The following ABCA13 variants were observed in gnomAD, a reference collection of about 807,000 sequenced individuals.
ABCA13 encodes ATP-binding cassette sub-family A member 13.
In ABCA13, 476 loss-of-function variants were observed where a neutral mutation model predicts 478.7. The observed-to-expected ratio is 0.99, with a 90% CI of 0.92 to 1.07. The LOEUF (loss-of-function observed/expected upper bound fraction) is 1.07, where lower values mean the gene tolerates loss of function less well. ABCA13 is among the 50% of genes least tolerant of loss of function. The probability of loss-of-function intolerance (pLI) is 0.00; values close to 1 mark genes in which losing one functional copy is unlikely to be tolerated. For missense variants in ABCA13, 6,060 were observed against 5,910.6 expected (o/e 1.03, Z -0.83); for synonymous variants, 2,252 against 2,158.9 (o/e 1.04, Z -1.20).
Position 48,279,229 on chromosome 7 carries a change from G to A in ABCA13, c.8035G>A (p.Gly2679Ser). The A allele has an allele frequency of 1.3e-6, 2 of 1,589,726 alleles. No individual in the cohort carries two copies. The highest frequency in any genetic ancestry group is 1.3e-5 in the African/African-American group (1 of 74,764). The change falls in exon 18 of 62, where the codon GGT becomes AGT. Residue 2679 changes from glycine to serine, a missense_variant. By Grantham distance (56) the Gly-to-Ser change is moderately conservative (BLOSUM62 0). Coordinates refer to ENST00000435803, the MANE Select transcript of ABCA13 (RefSeq NM_152701.5). ...TGTCAACTTACGGGAAGAAATTCTGGGTTGCTTAGTTCCTATAAATAACAT... is the reference window on the plus strand; with the variant it reads ...TGTCAACTTACGGGAAGAAATTCTGAGTTGCTTAGTTCCTATAAATAACAT... ...DSVNLREEILGCLVPINNITN... is the reference protein window; with the variant it reads ...DSVNLREEILSCLVPINNITN...
intron 29 of ABCA13, among the ~76,000 whole-genome samples, chr7:48,346,897 G>A (rs1393368351): frequency 6.6e-6 from 1 of 152,184 alleles, no homozygotes; most frequent in Non-Finnish European, 1.5e-5. Flanking sequence ...GACAGCAGGG[G>A]TCAATGCCAC....
At chr7:48,364,106 T>C (rs1811308137) in intron 31 of ABCA13, among the ~76,000 whole-genome samples, 2 of 149,208 alleles carry the variant, frequency 1.3e-5, no homozygotes, top group African/African-American at 4.9e-5. Context: ...GTCCTGGTGG[T>C]GGTGAGGACC....
intron 29 of ABCA13, among the ~76,000 whole-genome samples, chr7:48,348,414 A>C (rs1275624716): frequency 6.6e-6 from 1 of 152,128 alleles, no homozygotes; most frequent in Non-Finnish European, 1.5e-5. Flanking sequence ...TGACTATAAA[A>C]CTAAATGAGA....
intron 31 of ABCA13, among the ~76,000 whole-genome samples, chr7:48,359,318 C>T (rs2129000603): frequency 1.3e-5 from 2 of 152,006 alleles, no homozygotes; most frequent in South Asian, 4.2e-4. Context: ...ATGGCTGAGT[C>T]AGGAACACTA....
At chr7:48,555,400 GA>G in intron 55 of ABCA13, among the ~76,000 whole-genome samples, 1 of 151,938 alleles carries the variant, frequency 6.6e-6, no homozygotes, top group South Asian at 2.1e-4. Flanking sequence ...GTTTGAGTAG[GA>G]TTGGTATTAA....
intron 55 of ABCA13, among the ~76,000 whole-genome samples, chr7:48,537,542 C>G (rs1833668650): frequency 6.6e-6 from 1 of 152,164 alleles, no homozygotes; most frequent in South Asian, 2.1e-4. Context: ...CAGGTAGCCC[C>G]TACTGCTGTG....
Position 48,597,590 on chromosome 7 carries a change from T to C in ABCA13, c.14744+2777T>C, listed in dbSNP as rs75892347. Among the ~76,000 whole-genome samples, 8 of 152,344 alleles carry C rather than the reference T, an allele frequency of 5.3e-5. No individual in the cohort carries two copies. In the East Asian group the frequency reaches 1.5e-3, roughly 29 times the overall value. ...ATGTTCCCAGCAACAATGATGAGTC[T>C]CCTTTATTCCACATCCTTGTCACTA... On this transcript the variant is annotated intron_variant, in intron 58 of 61. Coordinates refer to ENST00000435803, the MANE Select transcript of ABCA13 (RefSeq NM_152701.5).
At chr7:48,590,848 T>G (rs1789656883) in intron 57 of ABCA13, among the ~76,000 whole-genome samples, 1 of 152,122 alleles carries the variant, frequency 6.6e-6, no homozygotes, top group Admixed American at 6.5e-5. Flanking sequence ...CTATTTAGTT[T>G]TACGACTTTC....
chr7:48,291,959 C>T (rs1798601847), intron 20 of ABCA13, among the ~76,000 whole-genome samples: 1 of 152,188 alleles, frequency 6.6e-6, no homozygotes, highest in African/African-American at 2.4e-5. Flanking sequence ...CCACACCTGG[C>T]TCCTCTATGT....
At chr7:48,277,377 C>T (rs1221860031) in intron 17 of ABCA13, among the ~76,000 whole-genome samples, 8 of 152,224 alleles carry the variant, frequency 5.3e-5, no homozygotes, top group Admixed American at 5.2e-4. Flanking sequence ...CTCTAAGTTA[C>T]AGAGGTTCTA....
In ABCA13 at chr7:48,481,174, T is replaced by C; in HGVS notation, c.13094+20T>C. Reference sequence around the variant, plus strand: ...ACCAAGGTGTGTTCAATACTCTTGTTGGGTCTTTACTTGTTTGGATTACTA... The same window carrying C: ...ACCAAGGTGTGTTCAATACTCTTGTCGGGTCTTTACTTGTTTGGATTACTA... On this transcript the variant is annotated intron_variant, in intron 46 of 61. Transcript: ENST00000435803. 6.6e-7 allele frequency: 1 copy of C among 1,517,822 alleles called. No individual in the cohort carries two copies. The highest frequency in any genetic ancestry group is 9.0e-7 in the Non-Finnish European group (1 of 1,111,892). The allele number at this position is 1,517,822 out of a possible 1,614,324, so 94.0% of individuals were successfully genotyped here. A position where few individuals can be genotyped will look rare whatever the true frequency, so the allele number is the denominator to read the frequency against.
intron 2 of ABCA13, 72 bp from the exon 3 acceptor site, chr7:48,198,165 T>C: frequency 6.9e-7 from 1 of 1,449,944 alleles, no homozygotes. Flanking sequence ...TATATTACAA[T>C]TTCAACTCAA....
chr7:48,322,859 C>G (rs1803704418), intron 27 of ABCA13, among the ~76,000 whole-genome samples: 2 of 152,140 alleles, frequency 1.3e-5, no homozygotes, highest in Non-Finnish European at 2.9e-5. Flanking sequence ...CCTTGGTAAT[C>G]ACACTGTCTT....
intron 10 of ABCA13, 57 bp downstream of exon 10, chr7:48,241,123 G>C (rs1790766798): frequency 6.3e-7 from 1 of 1,581,196 alleles, no homozygotes; most frequent in African/African-American, 1.3e-5. Flanking sequence ...GAATGTTAAA[G>C]AGTGCGTGAT....
chr7:48,609,486 T>C (rs139315910), intron 58 of ABCA13, among the ~76,000 whole-genome samples: 2 of 152,284 alleles, frequency 1.3e-5, no homozygotes, highest in East Asian at 3.9e-4. Flanking sequence ...AGTTTATTTA[T>C]CATTGCCTCT....
At chr7:48,584,928 G>T (rs1789032330) in intron 56 of ABCA13, among the ~76,000 whole-genome samples, 2 of 152,064 alleles carry the variant, frequency 1.3e-5, no homozygotes, top group African/African-American at 4.8e-5. Context: ...TTCTAACAGG[G>T]TCTATCATGC....
At chr7:48,461,770 C>T (rs1826269376) in intron 43 of ABCA13, among the ~76,000 whole-genome samples, 1 of 152,144 alleles carries the variant, frequency 6.6e-6, no homozygotes. Context: ...ACGACATTCT[C>T]ATTGTGGACA....
intron 6 of ABCA13, among the ~76,000 whole-genome samples, 165 bp from the exon 7 acceptor site, chr7:48,229,660 A>G (rs1369698687): frequency 1.3e-5 from 2 of 152,228 alleles, no homozygotes; most frequent in Non-Finnish European, 2.9e-5. Flanking sequence ...TCAGGGAGTT[A>G]GGGTCACATT....
intron 2 of ABCA13, among the ~76,000 whole-genome samples, chr7:48,193,326 A>G (rs1295222901): frequency 6.6e-6 from 1 of 152,218 alleles, no homozygotes; most frequent in Admixed American, 6.5e-5. Flanking sequence ...GTAAATAGCC[A>G]TTATAAATAT....
Sources: gnomAD v4.1 joint callset for allele counts (sites outside exome capture counted in the v4.1 genomes callset) on GRCh38, gnomAD v4.1.1 for gene constraint, MANE v1.5 for transcripts, NCBI Gene and HGNC (gene_info 2026-07-23, HGNC 2026-07-21) for gene names.